The following GRM5 variants were observed in gnomAD, a reference collection of about 807,000 sequenced individuals.
GRM5 encodes the protein glutamate metabotropic receptor 5.
In GRM5, 19 loss-of-function variants were observed where a neutral mutation model predicts 83.1. The ratio of observed to expected loss-of-function variants is 0.23; its 90% confidence interval spans 0.16 to 0.34. The LOEUF is 0.34. Among genes scored for constraint, GRM5 ranks in the 10% least tolerant of loss-of-function variants. The pLI is 1.00. For synonymous variants in GRM5, 675 were observed against 633.6 expected (o/e 1.07, Z -0.98); for missense variants, 1,160 against 1,588.3 (o/e 0.73, Z 4.58).
intron 7 of GRM5, among the ~76,000 whole-genome samples, chr11:88,579,156 C>A (rs907110825): frequency 1.9e-4 from 29 of 152,190 alleles, no homozygotes; most frequent in African/African-American, 6.7e-4. Context: ...GGGATTCCAA[C>A]CTTTTTGAGC....
chr11:88,570,571 A>ATATATATATATATTTATATTTT (rs1405339448), intron 7 of GRM5, among the ~76,000 whole-genome samples: 1 of 46,376 alleles, frequency 2.2e-5, no homozygotes, highest in Admixed American at 2.9e-4. Context: ...ATATATATAT[A>ATATATATATATATTTATATTTT]TTTTTTTTTT....
chr11:88,815,085 GA>G (rs1262313336), intron 3 of GRM5, among the ~76,000 whole-genome samples: 2 of 152,116 alleles, frequency 1.3e-5, no homozygotes, highest in Non-Finnish European at 2.9e-5. Flanking sequence ...AGGGCTAACT[GA>G]AATTTATAGA....
chr11:88,536,046 C>G (rs1363610043), intron 8 of GRM5, among the ~76,000 whole-genome samples: 4 of 152,160 alleles, frequency 2.6e-5, no homozygotes, highest in Non-Finnish European at 5.9e-5. Context: ...CACCCTTGTT[C>G]ATTTCCTGAA....
Position 88,530,856 on chromosome 11 carries a change from C to T in GRM5, c.2631-5452G>A, listed in dbSNP as rs1349710873. ...GATTTTGATATTGGAAATAATGATG[C>T]CTTATGTGAGGCTGATCAAGTTTGA... On this transcript the variant is annotated intron_variant, in intron 8 of 9. Transcript: ENST00000305447. 2.0e-5 allele frequency among the ~76,000 whole-genome samples: 3 copies of T among 151,886 alleles called. No homozygotes were observed. The East Asian group carries it at 5.8e-4, about 29-fold the overall frequency.
chr11:88,944,868 A>G (rs947292785), intron 2 of GRM5, among the ~76,000 whole-genome samples: 1 of 151,968 alleles, frequency 6.6e-6, no homozygotes, highest in African/African-American at 2.4e-5. Flanking sequence ...CTAGAGCAAC[A>G]AGGCAACAGA....
At chr11:88,516,965 CTTAATATTTCCAGATTAAGATATTTTG>C (rs1289608830) in intron 9 of GRM5, among the ~76,000 whole-genome samples, 2 of 151,930 alleles carry the variant, frequency 1.3e-5, no homozygotes, top group East Asian at 1.9e-4. Flanking sequence ...AAGATATTTC[CTTAATATTTCCAGATTAAGATATTTTG>C]TTAATATTTC....
intron 3 of GRM5, among the ~76,000 whole-genome samples, chr11:88,753,767 C>T (rs1942334615): frequency 6.6e-6 from 1 of 152,068 alleles, no homozygotes; most frequent in African/African-American, 2.4e-5. Flanking sequence ...ATTCCCGAGA[C>T]TGAGCAATTT....
intron 3 of GRM5, among the ~76,000 whole-genome samples, chr11:88,781,469 A>G (rs542926110): frequency 1.1e-4 from 16 of 152,254 alleles, no homozygotes; most frequent in South Asian, 1.0e-3. Context: ...TCAGACCTCT[A>G]TGCCCATATT....
At chr11:88,814,212 T>A (rs113357275) in intron 3 of GRM5, among the ~76,000 whole-genome samples, 1 of 152,172 alleles carries the variant, frequency 6.6e-6, no homozygotes. Context: ...ACAAACAAGA[T>A]GAACCCTACA....
At chr11:88,621,342 T>C (rs964221830) in intron 4 of GRM5, among the ~76,000 whole-genome samples, 6 of 152,216 alleles carry the variant, frequency 3.9e-5, no homozygotes, top group Non-Finnish European at 8.8e-5. Context: ...TTTGTCCAAT[T>C]AGCTTCTTAT....
chr11:89,033,348 A>T (rs1174404095), intron 2 of GRM5, among the ~76,000 whole-genome samples: 2 of 147,698 alleles, frequency 1.4e-5, no homozygotes, highest in Admixed American at 6.6e-5. Flanking sequence ...TTTTTATTTT[A>T]TAAAAGTATC....
intron 8 of GRM5, among the ~76,000 whole-genome samples, chr11:88,542,465 T>C (rs1942288807): frequency 1.3e-5 from 2 of 152,290 alleles, no homozygotes; most frequent in Admixed American, 6.5e-5. Flanking sequence ...TTTTTAAACA[T>C]TGTTTCAAAC....
chr11:88,707,986 A>G (rs1036134024), intron 3 of GRM5, among the ~76,000 whole-genome samples: 1 of 151,942 alleles, frequency 6.6e-6, no homozygotes, highest in Non-Finnish European at 1.5e-5. Context: ...ACCTTCATGG[A>G]TTTTACCTTA....
intron 8 of GRM5, among the ~76,000 whole-genome samples, chr11:88,543,204 A>G (rs1456927052): frequency 1.3e-5 from 2 of 152,218 alleles, no homozygotes; most frequent in African/African-American, 2.4e-5. Flanking sequence ...CACAACAACT[A>G]TTTGTTAACT....
chr11:88,975,645 G>C (rs1160805374), intron 2 of GRM5, among the ~76,000 whole-genome samples: 2 of 152,190 alleles, frequency 1.3e-5, no homozygotes, highest in African/African-American at 4.8e-5. Flanking sequence ...CTCCAACCCA[G>C]ATCTACTGAC....
chr11:88,510,602 G>A (rs994947561), intron 9 of GRM5, among the ~76,000 whole-genome samples: 7 of 152,096 alleles, frequency 4.6e-5, no homozygotes, highest in African/African-American at 1.4e-4. Flanking sequence ...CTGCACCCTC[G>A]GCCTCTGGGA....
Position 89,037,418 on chromosome 11 carries a change from C to A in GRM5, c.661+9794G>T, listed in dbSNP as rs374249745. ...TTACCAAAATTATACCAATTATTTA[C>A]ATAATTGGTATAATTGTTCAATGAG... On this transcript the variant is annotated intron_variant, in intron 2 of 9. Transcript: ENST00000305447. Among the ~76,000 whole-genome samples, 11 of 151,780 alleles carry A rather than the reference C, an allele frequency of 7.2e-5. No individual in the cohort carries two copies. In the East Asian group the frequency reaches 1.4e-3, roughly 19 times the overall value.
chr11:88,704,916 T>A (rs975920571), intron 3 of GRM5, among the ~76,000 whole-genome samples: 1 of 152,064 alleles, frequency 6.6e-6, no homozygotes, highest in Non-Finnish European at 1.5e-5. Context: ...TCTCACTTCA[T>A]ATTGTTTGCA....
chr11:88,967,780 T>C (rs1210043200), intron 2 of GRM5, among the ~76,000 whole-genome samples: 2 of 152,024 alleles, frequency 1.3e-5, no homozygotes, highest in Non-Finnish European at 1.5e-5. Flanking sequence ...AATTGAGTGA[T>C]GAGAGTATGG....
Sources: allele counts gnomAD v4.1 joint callset (sites outside exome capture counted in the v4.1 genomes callset), GRCh38; gene constraint gnomAD v4.1.1; transcripts MANE v1.5; gene names NCBI Gene and HGNC (gene_info 2026-07-23, HGNC 2026-07-21).